Variants in LNPEP observed in about 807,000 individuals in gnomAD.
LNPEP encodes leucyl and cystinyl aminopeptidase, also known as leucyl-cystinyl aminopeptidase.
Under a neutral mutation model 120.6 loss-of-function variants are expected in LNPEP, and 64 were observed. That is an observed-to-expected ratio of 0.53 (90% CI 0.43 to 0.65). The LOEUF is 0.65. Among genes scored for constraint, LNPEP ranks in the 30% least tolerant of loss-of-function variants. The pLI, the probability that LNPEP is intolerant of heterozygous loss-of-function variation, is 0.00. For missense variants in LNPEP, 1,057 were observed against 1,200.0 expected (o/e 0.88, Z 1.76); for synonymous variants, 435 against 425.4 (o/e 1.02, Z -0.28).
At chr5:96,941,185 T>C (rs1789043778) in intron 1 of LNPEP, among the ~76,000 whole-genome samples, 1 of 152,144 alleles carries the variant, frequency 6.6e-6, no homozygotes, top group South Asian at 2.1e-4. Context: ...CAGTTCACAA[T>C]AGGGTTCGTG....
intron 9 of LNPEP, among the ~76,000 whole-genome samples, chr5:97,005,564 C>T (rs1790759659): frequency 6.6e-6 from 1 of 152,146 alleles, no homozygotes; most frequent in Admixed American, 6.5e-5. Flanking sequence ...CCCTGGCACT[C>T]CCACAGTATT....
In LNPEP at chr5:97,028,463, C is replaced by T. The variant is rs755415670; in HGVS notation, c.3008C>T (p.Ala1003Val). 17 of 1,613,912 alleles carry T rather than the reference C, an allele frequency of 1.1e-5. No homozygotes were observed. In the South Asian group the frequency reaches 1.6e-4, roughly 16 times the overall value. ...TTCCGGCTTCGTTGTGTCCAGGAGG[C>T]TTTGGAAGTCATTCAGTTGAATATC... ...ATFRLRCVQE[A>V]LEVIQLNIQW... The change falls in exon 18 of 18, where the codon GCT (alanine) becomes GTT (valine). Residue 1003 changes from alanine (A) to valine (V), a missense_variant. Transcript: ENST00000231368.
intron 1 of LNPEP, among the ~76,000 whole-genome samples, chr5:96,959,707 T>G (rs1223773458): frequency 1.3e-5 from 2 of 152,128 alleles, no homozygotes. Context: ...AAAATTTGAT[T>G]TAGCTAAATC....
At chr5:96,987,392 T>C (rs1225120088) in intron 4 of LNPEP, among the ~76,000 whole-genome samples, 1 of 152,182 alleles carries the variant, frequency 6.6e-6, no homozygotes, top group East Asian at 1.9e-4. Context: ...TTATTCTTGA[T>C]GATAGAAATA....
intron 11 of LNPEP, among the ~76,000 whole-genome samples, chr5:97,008,218 G>A (rs999159789): frequency 6.6e-5 from 10 of 151,734 alleles, no homozygotes; most frequent in Non-Finnish European, 8.8e-5. Context: ...AGGAAATTTT[G>A]CAAACTTTCT....
chr5:96,939,215 T>C (rs974694218), intron 1 of LNPEP, among the ~76,000 whole-genome samples: 2 of 125,730 alleles, frequency 1.6e-5, no homozygotes, highest in Non-Finnish European at 3.5e-5. Flanking sequence ...ATGTATACTT[T>C]CTTTTTTTTT....
chr5:96,968,767 G>A (rs1581992062), intron 1 of LNPEP, among the ~76,000 whole-genome samples: 1 of 152,052 alleles, frequency 6.6e-6, no homozygotes, highest in South Asian at 2.1e-4. Flanking sequence ...GGGATAAGGG[G>A]ACAAAGTGAA....
intron 1 of LNPEP, among the ~76,000 whole-genome samples, chr5:96,945,146 T>C (rs914963873): frequency 3.3e-5 from 5 of 151,864 alleles, no homozygotes; most frequent in African/African-American, 1.2e-4. Flanking sequence ...CCTGTAATCC[T>C]AGCACTTTGG....
rs1441108123 is a variant in LNPEP, at chr5:97,032,562, A to T, written c.*4029A>T. 1 of 152,180 alleles carries T rather than the reference A, an allele frequency of 6.6e-6. No homozygotes were observed. Among genetic ancestry groups the T allele is most frequent in the African/African-American group, 2.4e-5 (1 of 41,432 alleles). 9.4% of individuals were successfully genotyped at this position (152,180 alleles called of 1,614,324 possible). A position where few individuals can be genotyped will look rare whatever the true frequency, so the allele number is the denominator to read the frequency against. ...CTGATGAAGAGTGATATATCATCCT[A>T]TGAAAATTTCATCTACCCTTCCCAT... On this transcript the variant is annotated 3_prime_UTR_variant, in exon 18 of 18. Transcript: ENST00000231368.
In LNPEP at chr5:96,979,574, G is replaced by A. The variant is rs768889535; in HGVS notation, c.456G>A (p.Gln152=). The change falls in exon 2 of 18, where the codon CAG becomes CAA. Residue 152 remains glutamine (Q), a synonymous_variant. Coordinates refer to ENST00000231368, the MANE Select transcript of LNPEP (RefSeq NM_005575.3). The part of the protein sequence containing the change: ...HKKNQSIGLI[Q]PFATNGKLFP... Reference sequence around the variant, plus strand: ...AAAACCAGTCAATTGGACTAATTCAGCCATTTGCAACAAATGGGAAATTGT... The same window carrying A: ...AAAACCAGTCAATTGGACTAATTCAACCATTTGCAACAAATGGGAAATTGT... 3 of 1,614,002 alleles carry A rather than the reference G, an allele frequency of 1.9e-6. No homozygotes were observed. The highest frequency in any genetic ancestry group is 3.3e-5 in the Admixed American group (2 of 59,980).
chr5:96,992,607 G>GT (rs1790417016), intron 4 of LNPEP, among the ~76,000 whole-genome samples: 1 of 152,144 alleles, frequency 6.6e-6, no homozygotes, highest in Non-Finnish European at 1.5e-5. Flanking sequence ...TGAAAATTTA[G>GT]TTTTGTCTTT....
At chr5:96,959,015 G>A (rs1230119415) in intron 1 of LNPEP, among the ~76,000 whole-genome samples, 1 of 151,882 alleles carries the variant, frequency 6.6e-6, no homozygotes, top group African/African-American at 2.4e-5. Context: ...TAATAGAGAC[G>A]AGGTTTCACC....
chr5:96,990,577 C>T (rs1218015611), intron 4 of LNPEP, among the ~76,000 whole-genome samples: 5 of 152,082 alleles, frequency 3.3e-5, no homozygotes, highest in African/African-American at 4.8e-5. Context: ...CATTGTGTCA[C>T]GCACTAATCT....
chr5:96,996,236 A>G (rs1790512549), intron 6 of LNPEP, 154 bp from the exon 7 acceptor site: 1 of 477,346 alleles, frequency 2.1e-6, no homozygotes. Flanking sequence ...GTTCTAAATT[A>G]ATTTGAATAT....
Position 97,006,454 on chromosome 5 carries a change from T to C in LNPEP, c.1974T>C (p.Tyr658=). ...TSYLWHIPLS[Y]VTEGRNYSKY... is the part of the protein sequence containing the mutation. ...ACCTGTGGCATATTCCACTATCCTA[T>C]GTCACTGAAGGAAGAAATTATTCAA... is the stretch of plus-strand genomic sequence containing the variant. Residue 658 remains tyrosine, a synonymous_variant, in exon 11 of 18, where the codon TAT becomes TAC. Coordinates refer to ENST00000231368, the MANE Select transcript of LNPEP (RefSeq NM_005575.3). 6.3e-7 allele frequency: 1 copy of C among 1,584,568 alleles called. No individual in the cohort carries two copies. Among genetic ancestry groups the C allele is most frequent in the Non-Finnish European group, 8.7e-7 (1 of 1,153,774 alleles).
intron 3 of LNPEP, 30 bp downstream of exon 3, chr5:96,985,248 C>CT (rs761539424): frequency 6.4e-7 from 1 of 1,571,374 alleles, no homozygotes; most frequent in Non-Finnish European, 8.6e-7. Context: ...ATGTAAAAAT[C>CT]TTTGAATGGG....
At chr5:96,990,585 TC>T (rs1408035189) in intron 4 of LNPEP, among the ~76,000 whole-genome samples, 2 of 152,290 alleles carry the variant, frequency 1.3e-5, no homozygotes, top group Non-Finnish European at 2.9e-5. Context: ...CACGCACTAA[TC>T]TAAGTTCTAT....
At chr5:96,945,616 C>T (rs769456046) in intron 1 of LNPEP, among the ~76,000 whole-genome samples, 9 of 152,036 alleles carry the variant, frequency 5.9e-5, no homozygotes, top group Admixed American at 6.6e-5. Flanking sequence ...AAGAGTGTTT[C>T]GTCAGTCTTA....
chr5:96,996,902 A>G (rs1790528785), intron 7 of LNPEP, among the ~76,000 whole-genome samples: 1 of 152,102 alleles, frequency 6.6e-6, no homozygotes, highest in Non-Finnish European at 1.5e-5. Flanking sequence ...ATAAAAAATT[A>G]AAACATTTTA....
Sources: gnomAD v4.1 joint callset for allele counts (sites outside exome capture counted in the v4.1 genomes callset) on GRCh38, gnomAD v4.1.1 for gene constraint, MANE v1.5 for transcripts, NCBI Gene and HGNC (gene_info 2026-07-23, HGNC 2026-07-21) for gene names.